AMOT: variants seen among roughly 807,000 people sequenced by gnomAD.
AMOT encodes the protein angiomotin.
A neutral mutation model predicts 67.0 loss-of-function variants in AMOT; 11 were observed. That is an observed-to-expected ratio of 0.16 (90% confidence interval 0.10 to 0.27). AMOT has a LOEUF of 0.27. AMOT is among the 10% of genes least tolerant of loss of function. AMOT has a pLI of 1.00. For synonymous variants in AMOT, 326 were observed against 321.4 expected (o/e 1.01, Z -0.15); for missense variants, 753 against 852.0 (o/e 0.88, Z 1.45).
chrX:112,782,372 A>G (rs1933212980), intron 11 of AMOT, among the ~76,000 whole-genome samples, 168 bp downstream of exon 11: 1 of 111,909 alleles, frequency 8.9e-6, no homozygotes, highest in Non-Finnish European at 1.9e-5. Context: ...TTTAGTGGAG[A>G]TTATCAAGGT....
intron 1 of AMOT, among the ~76,000 whole-genome samples, chrX:112,838,536 A>G (rs660457): frequency 0.42 from 46,017 of 110,501 alleles, 8,462 homozygotes; most frequent in African/African-American, 0.69. Context: ...AGTCTGATGC[A>G]GTCTTTACAA....
At chrX:112,830,126 A>G (rs1934950363) in intron 2 of AMOT, among the ~76,000 whole-genome samples, 1 of 112,173 alleles carries the variant, frequency 8.9e-6, no homozygotes, top group African/African-American at 3.2e-5. Flanking sequence ...ATAAAGAAAA[A>G]AATCACTTAT....
intron 12 of AMOT, chrX:112,780,548 A>G (rs1286843178): frequency 4.9e-5 from 14 of 286,343 alleles, no homozygotes; most frequent in East Asian, 5.3e-5. Flanking sequence ...CAAAGGCCAC[A>G]TGGGCTTTGG....
rs779684220 is a variant in AMOT, at chrX:112,779,601, G to C, written c.2553C>G (p.Leu851=). 2 of 1,211,247 alleles carry C rather than the reference G, an allele frequency of 1.7e-6. No homozygotes were observed. The highest frequency in any genetic ancestry group is 2.2e-6 in the Non-Finnish European group (2 of 895,478). ...PSPVPPSTPL[L]SAHSKTGSRD... is the part of the protein sequence containing the mutation. Reference sequence around the variant, plus strand: ...GGCTGCCTGTCTTGGAGTGAGCCGAGAGCAGGGGAGTCGAGGGTGGCACAG... The same window carrying C: ...GGCTGCCTGTCTTGGAGTGAGCCGACAGCAGGGGAGTCGAGGGTGGCACAG... Residue 851 remains leucine, a synonymous_variant, in exon 13 of 14, where the codon CTC becomes CTG. Coordinates refer to ENST00000371959, the MANE Select transcript of AMOT (RefSeq NM_001113490.2).
chrX:112,834,404 A>AT (rs937575776), intron 1 of AMOT, among the ~76,000 whole-genome samples: 4 of 111,905 alleles, frequency 3.6e-5, no homozygotes, highest in African/African-American at 1.3e-4. Flanking sequence ...ATAAGGGGAA[A>AT]AAAAGATCAG....
At chrX:112,789,086 TC>T (rs201772599) in intron 10 of AMOT, among the ~76,000 whole-genome samples, 1,941 of 111,865 alleles carry the variant, frequency 0.017, 46 homozygotes, top group African/African-American at 0.059. Context: ...TCTAGTATTT[TC>T]TCACACTGCA....
In AMOT at chrX:112,822,940, T is replaced by C. The variant is rs1934752253; in HGVS notation, c.187A>G (p.Ser63Gly). ...GNPGPQSDVL[S>G]PQDHHQQLVA... is the part of the protein sequence containing the mutation. ...AGCTGTTGGTGGTGGTCTTGGGGAC[T>C]CAACACATCACTCTGAGGGCCCGGG... Residue 63 changes from serine (S) to glycine (G), a missense_variant, in exon 4 of 14, where the codon AGT becomes GGT. By Grantham distance (56) the Ser-to-Gly change is moderately conservative. Coordinates refer to ENST00000371959, the MANE Select transcript of AMOT (RefSeq NM_001113490.2). 2 of 1,167,738 alleles carry C rather than the reference T, an allele frequency of 1.7e-6. No individual in the cohort carries two copies. Among genetic ancestry groups the C allele is most frequent in the Non-Finnish European group, 2.3e-6 (2 of 873,038 alleles).
intron 8 of AMOT, among the ~76,000 whole-genome samples, chrX:112,798,883 C>A (rs1442008668): frequency 8.9e-6 from 1 of 111,838 alleles, no homozygotes; most frequent in African/African-American, 3.3e-5. Context: ...AACCAGTTCC[C>A]AAGTATTTGG....
rs748442000 is a variant in AMOT, at chrX:112,815,571, T to C, written c.1179A>G (p.Gln393=). 5.8e-6 allele frequency: 7 copies of C among 1,207,285 alleles called. No homozygotes were observed. The highest frequency in any genetic ancestry group is 4.4e-5 in the Admixed American group (2 of 45,561). ...GCTGCTGTGGCTGCTGCTGCTGCTG[T>C]TGTTGGTGGTGATGGTGATGATGGT... The part of the protein sequence containing the change: ...QQHHHHHHHQ[Q]QQQQQPQQQP... Residue 393 remains glutamine (Q), a synonymous_variant, in exon 5 of 14, where the codon CAA becomes CAG. Coordinates refer to ENST00000371959, the MANE Select transcript of AMOT (RefSeq NM_001113490.2).
At chrX:112,831,475 A>ATAAAT (rs1424645538) in intron 2 of AMOT, among the ~76,000 whole-genome samples, 2 of 107,607 alleles carry the variant, frequency 1.9e-5, no homozygotes, top group African/African-American at 3.4e-5. Flanking sequence ...AAATAAATAA[A>ATAAAT]TAAATAAATA....
intron 1 of AMOT, among the ~76,000 whole-genome samples, chrX:112,834,402 A>G (rs1314068796): frequency 8.9e-6 from 1 of 111,758 alleles, no homozygotes; most frequent in African/African-American, 3.3e-5. Flanking sequence ...ATATAAGGGG[A>G]AAAAAAGATC....
intron 8 of AMOT, among the ~76,000 whole-genome samples, chrX:112,800,526 A>G (rs1360321350): frequency 2.7e-5 from 3 of 112,276 alleles, no homozygotes; most frequent in African/African-American, 6.5e-5. Context: ...ACCTTCACCA[A>G]TGAAATCCTA....
At chrX:112,810,123 T>C in intron 6 of AMOT, 137 bp from the exon 7 acceptor site, 1 of 480,460 alleles carries the variant, frequency 2.1e-6, no homozygotes, top group East Asian at 3.5e-5. Context: ...TAACATGAGT[T>C]TGCAAATGTG....
chrX:112,835,502 C>G (rs919408796), intron 1 of AMOT, among the ~76,000 whole-genome samples: 1 of 110,977 alleles, frequency 9.0e-6, no homozygotes, highest in African/African-American at 3.3e-5. Flanking sequence ...TACTAAAAAC[C>G]CATACCACAC....
At position 112,823,196 on chromosome X, in the gene AMOT, G is replaced by A. The variant is rs1476366080; in HGVS notation, c.-62-8C>T. On this transcript the variant is annotated splice_polypyrimidine_tract_variant and splice_region_variant and intron_variant, in intron 3 of 13. Transcript: ENST00000371959. Reference sequence around the variant, plus strand: ...ACCTGGGCTGCCCTTGACCTGGGAAGGGGAAACAGGAAGCTTAACACCCAG... The same window carrying A: ...ACCTGGGCTGCCCTTGACCTGGGAAAGGGAAACAGGAAGCTTAACACCCAG... 9.7e-7 allele frequency: 1 copy of A among 1,028,379 alleles called. No homozygotes were observed. Among genetic ancestry groups the A allele is most frequent in the Non-Finnish European group, 1.3e-6 (1 of 775,382 alleles). The allele number at this position is 1,028,379 out of a possible 1,213,427, so 84.7% of individuals were successfully genotyped here.
chrX:112,814,338 G>A (rs1371626292), intron 5 of AMOT, among the ~76,000 whole-genome samples: 1 of 110,872 alleles, frequency 9.0e-6, no homozygotes, highest in East Asian at 2.8e-4. Context: ...GTCTCCTTGA[G>A]GCCCCCAGAT....
At position 112,779,679 on chromosome X, in the gene AMOT, G is replaced by T; in HGVS notation, c.2475C>A (p.Gly825=). Residue 825 remains glycine (G), a splice_region_variant and synonymous_variant, in exon 13 of 14, where the codon GGC becomes GGA. Coordinates refer to ENST00000371959, the MANE Select transcript of AMOT (RefSeq NM_001113490.2). ...RDDKSWKGSL[G]ILLGGDYRAE... is the part of the protein sequence containing the mutation. The stretch of plus-strand genomic sequence containing the variant: ...CACGGTAGTCTCCACCCAGGAGAAT[G>T]CCTACAAATGAAAGAGGAACAGATG... 1 of 1,179,312 alleles carries T rather than the reference G, an allele frequency of 8.5e-7. No individual in the cohort carries two copies. The highest frequency in any genetic ancestry group is 1.1e-6 in the Non-Finnish European group (1 of 873,326).
rs759228046 is a variant in AMOT, at chrX:112,804,534, A to C, written c.1776+413T>G. Reference sequence around the variant, plus strand: ...CCTAGAAGTATTTTCTAGTTTTATAAAGTTTTAAAATACCTGTAAGGGCAG... The same window carrying C: ...CCTAGAAGTATTTTCTAGTTTTATACAGTTTTAAAATACCTGTAAGGGCAG... On this transcript the variant is annotated intron_variant, in intron 8 of 13. Transcript: ENST00000371959. 6.3e-5 allele frequency among the ~76,000 whole-genome samples: 7 copies of C among 111,839 alleles called. No homozygotes were observed. The East Asian group carries it at 2.0e-3, about 31-fold the overall frequency.
intron 10 of AMOT, among the ~76,000 whole-genome samples, chrX:112,785,364 C>T (rs1933331984): frequency 8.9e-6 from 1 of 111,812 alleles, no homozygotes; most frequent in South Asian, 3.8e-4. Context: ...ACCTAGTGGC[C>T]TTTCAAACTT....
Sources: allele counts gnomAD v4.1 joint callset (sites outside exome capture counted in the v4.1 genomes callset), GRCh38; gene constraint gnomAD v4.1.1; transcripts MANE v1.5; gene names NCBI Gene and HGNC (gene_info 2026-07-23, HGNC 2026-07-21).